The following BARD1 variants were observed in gnomAD, a reference collection of about 807,000 sequenced individuals.
The protein encoded by BARD1 is BRCA1-associated RING domain protein 1.
A neutral mutation model predicts 77.0 loss-of-function variants in BARD1; 73 were observed. The observed-to-expected ratio is 0.95, with a 90% CI of 0.79 to 1.15. The LOEUF (loss-of-function observed/expected upper bound fraction) is 1.15, where lower values mean the gene tolerates loss of function less well. Among genes scored for constraint, BARD1 ranks in the 50% most tolerant of loss-of-function variants. BARD1 has a pLI of 0.00. For synonymous variants in BARD1, 384 were observed against 338.0 expected, an observed-to-expected ratio of 1.14 and a Z score of -1.49; for missense variants, 993 against 938.8, an observed-to-expected ratio of 1.06 and a Z score of -0.75.
At position 214,809,434 on chromosome 2, in the gene BARD1, T is replaced by C. The variant is rs1426560516; in HGVS notation, c.136A>G (p.Lys46Glu). The change falls in exon 1 of 11, where the codon AAG becomes GAG. Residue 46 changes from lysine to glutamate, a missense_variant. Physicochemically the swap from Lys to Glu is moderately conservative, Grantham distance 56. Transcript: ENST00000260947. The stretch of plus-strand genomic sequence containing the variant: ...TACCAACGCGAGCAGCGCAGCAGCT[T>C]CTCCAGGCGGTCGAGCGCGGCGCGA... ...HSRAALDRLE[K>E]LLRCSRCTNI... The C allele has an allele frequency of 6.2e-7, 1 of 1,612,050 alleles. No individual in the cohort carries two copies. The highest frequency in any genetic ancestry group is 1.1e-5 in the South Asian group (1 of 91,004).
chr2:214,807,277 A>C (rs1188233286), intron 1 of BARD1, among the ~76,000 whole-genome samples: 1 of 152,166 alleles, frequency 6.6e-6, no homozygotes, highest in Non-Finnish European at 1.5e-5. Flanking sequence ...AGCCATGCTA[A>C]AAGTCTGGGC....
At chr2:214,733,470 T>C (rs954256899) in intron 9 of BARD1, among the ~76,000 whole-genome samples, 24 of 152,212 alleles carry the variant, frequency 1.6e-4, no homozygotes, top group Admixed American at 1.4e-3. Flanking sequence ...AGGTCGTGTG[T>C]GTTGTGCTGG....
intron 5 of BARD1, 27 bp from the exon 6 acceptor site, chr2:214,767,681 G>T (rs762050939): frequency 6.2e-7 from 1 of 1,604,848 alleles, no homozygotes. Context: ...AAAAAGAAGT[G>T]AAAGAAGTGA....
intron 6 of BARD1, among the ~76,000 whole-genome samples, chr2:214,757,980 G>A (rs1693776234): frequency 6.6e-6 from 1 of 151,796 alleles, no homozygotes; most frequent in Admixed American, 6.6e-5. Flanking sequence ...AGAAAGAGAG[G>A]GAATGTACCA....
At position 214,781,048 on chromosome 2, in the gene BARD1, T is replaced by C. The variant is rs876659291; in HGVS notation, c.826A>G (p.Thr276Ala). The change falls in exon 4 of 11, where the codon ACT (threonine) becomes GCT (alanine). Residue 276 changes from threonine (T) to alanine (A), a missense_variant. Thr to Ala is a moderately conservative substitution (Grantham distance 58, BLOSUM62 0). Transcript: ENST00000260947. Reference protein sequence around the residue: ...LTESECFGSLTEVSLPLAEQI... With the variant: ...LTESECFGSLAEVSLPLAEQI... The stretch of plus-strand genomic sequence containing the variant: ...TCAGCCAATGGTAAAGAGACTTCAG[T>C]TAAACTTCCAAAACATTCAGATTCT... 1 of 1,607,984 alleles carries C rather than the reference T, an allele frequency of 6.2e-7. No homozygotes were observed. Among genetic ancestry groups the C allele is most frequent in the Non-Finnish European group, 8.5e-7 (1 of 1,177,852 alleles).
intron 1 of BARD1, among the ~76,000 whole-genome samples, chr2:214,805,533 A>G (rs1696229866): frequency 6.6e-6 from 1 of 152,220 alleles, no homozygotes; most frequent in Non-Finnish European, 1.5e-5. Context: ...ACAAATATTC[A>G]TATAGTATTT....
intron 1 of BARD1, 37 bp from the exon 2 acceptor site, chr2:214,797,154 AT>A: frequency 6.5e-7 from 1 of 1,535,764 alleles, no homozygotes; most frequent in South Asian, 1.1e-5. Context: ...GATTTGAGTC[AT>A]TGTTAGATAA....
chr2:214,777,776 A>C (rs1433390674), intron 4 of BARD1, among the ~76,000 whole-genome samples: 1 of 152,232 alleles, frequency 6.6e-6, no homozygotes, highest in Non-Finnish European at 1.5e-5. Context: ...AGCCACTTCA[A>C]ATCCTTTTCT....
At chr2:214,777,827 G>A (rs1200729096) in intron 4 of BARD1, among the ~76,000 whole-genome samples, 1 of 152,204 alleles carries the variant, frequency 6.6e-6, no homozygotes, top group Non-Finnish European at 1.5e-5. Context: ...TAGCAGAATT[G>A]CAATATGTGT....
chr2:214,733,055 G>A (rs1574712383), intron 9 of BARD1, among the ~76,000 whole-genome samples: 1 of 152,304 alleles, frequency 6.6e-6, no homozygotes, highest in African/African-American at 2.4e-5. Flanking sequence ...ACCCTGAAGA[G>A]CTAGTCCTAC....
intron 6 of BARD1, among the ~76,000 whole-genome samples, chr2:214,763,953 C>G (rs879638599): frequency 3.9e-5 from 6 of 152,156 alleles, no homozygotes; most frequent in Non-Finnish European, 7.3e-5. Context: ...AACATTGAGA[C>G]AGCATGCACT....
rs1559423360 is a variant in BARD1, at chr2:214,780,603, C to A, written c.1271G>T (p.Arg424Ile). 1 of 1,614,030 alleles carries A rather than the reference C, an allele frequency of 6.2e-7. No homozygotes were observed. Among genetic ancestry groups the A allele is most frequent in the Admixed American group, 1.7e-5 (1 of 59,992 alleles). ...GAGCAAAGTCTCTCCTCTATGATTT[C>A]TTTTCACAGCCATATTGGGCAACAG... ...MKLLPNMAVK[R>I]NHRGETLLHI... is the part of the protein sequence containing the mutation. The change falls in exon 4 of 11, where the codon AGA (arginine) becomes ATA (isoleucine). Residue 424 changes from arginine to isoleucine, a missense_variant. Coordinates refer to ENST00000260947, the MANE Select transcript of BARD1 (RefSeq NM_000465.4).
chr2:214,796,961 T>A, intron 2 of BARD1, 100 bp downstream of exon 2: 2 of 968,394 alleles, frequency 2.1e-6, no homozygotes, highest in Admixed American at 3.4e-5. Context: ...ACTTTGAAAG[T>A]TACACAAACA....
At chr2:214,758,872 A>G (rs1242806873) in intron 6 of BARD1, among the ~76,000 whole-genome samples, 1 of 152,230 alleles carries the variant, frequency 6.6e-6, no homozygotes, top group Non-Finnish European at 1.5e-5. Context: ...GAAAGGAGAG[A>G]TGGGCAAATT....
intron 3 of BARD1, among the ~76,000 whole-genome samples, chr2:214,791,688 AT>A (rs1281433963): frequency 1.3e-5 from 2 of 152,214 alleles, no homozygotes; most frequent in Non-Finnish European, 2.9e-5. Flanking sequence ...AAATGTGCTC[AT>A]CTAATTAATT....
At chr2:214,794,592 T>A (rs909237986) in intron 2 of BARD1, among the ~76,000 whole-genome samples, 2 of 152,206 alleles carry the variant, frequency 1.3e-5, no homozygotes, top group African/African-American at 4.8e-5. Flanking sequence ...TTAATTTTTT[T>A]AAAAAGTCTC....
intron 1 of BARD1, among the ~76,000 whole-genome samples, chr2:214,802,240 TTC>T (rs1696057738): frequency 6.6e-6 from 1 of 152,178 alleles, no homozygotes; most frequent in South Asian, 2.1e-4. Flanking sequence ...CAGGAAGTCA[TTC>T]TGTTTTTCAC....
In BARD1 at chr2:214,746,508, C is replaced by T. The variant is rs73082594; in HGVS notation, c.1678-654G>A. Among the ~76,000 whole-genome samples the T allele has an allele frequency of 2.9e-3, 435 of 151,570 alleles. 5 individuals are homozygous for T. Among genetic ancestry groups the T allele is most frequent in the African/African-American group, 0.01 (414 of 41,276 alleles). On this transcript the variant is annotated intron_variant, in intron 7 of 10. Coordinates refer to ENST00000260947, the MANE Select transcript of BARD1 (RefSeq NM_000465.4). ...ATCTAGACTTAGAATTCACAGAAGA[C>T]AAAAAAGACAAAAATAAAGAGAAGG...
chr2:214,794,017 C>G (rs139259726), intron 2 of BARD1, among the ~76,000 whole-genome samples: 1 of 151,890 alleles, frequency 6.6e-6, no homozygotes, highest in Non-Finnish European at 1.5e-5. Context: ...TTTGGGAGGC[C>G]GAGACAAGAG....
Sources: gnomAD v4.1 joint callset for allele counts (sites outside exome capture counted in the v4.1 genomes callset) on GRCh38, gnomAD v4.1.1 for gene constraint, MANE v1.5 for transcripts, NCBI Gene and HGNC (gene_info 2026-07-23, HGNC 2026-07-21) for gene names.